The following FAM120C variants were observed in gnomAD, a reference collection of about 807,000 sequenced individuals.
FAM120C encodes constitutive coactivator of PPAR-gamma-like protein 2.
FAM120C carries 14 observed loss-of-function variants against 71.2 expected under a neutral mutation model. The observed-to-expected ratio is 0.20, with a 90% confidence interval of 0.13 to 0.31. The LOEUF is 0.31. FAM120C is among the 10% of genes least tolerant of loss of function. The pLI, the probability that FAM120C is intolerant of heterozygous loss-of-function variation, is 1.00. For synonymous variants in FAM120C, 354 were observed against 353.2 expected, an observed-to-expected ratio of 1.00 and a Z score of -0.03; for missense variants, 500 against 879.0, an observed-to-expected ratio of 0.57 and a Z score of 5.45.
intron 6 of FAM120C, 33 bp downstream of exon 6, chrX:54,135,495 A>C (rs782249836): frequency 8.6e-7 from 1 of 1,160,160 alleles, no homozygotes; most frequent in South Asian, 1.8e-5. Context: ...ACCTGAGTCT[A>C]ATGCTATCTC....
intron 11 of FAM120C, 51 bp downstream of exon 11, chrX:54,091,261 G>A (rs782492527): frequency 1.2e-6 from 1 of 846,662 alleles, no homozygotes; most frequent in South Asian, 2.4e-5. Context: ...ACCTAAAGTA[G>A]TGCCATAAGC....
chrX:54,154,606 CAAAAAAA>C (rs55838006), intron 3 of FAM120C, among the ~76,000 whole-genome samples: 2 of 40,961 alleles, frequency 4.9e-5, no homozygotes, highest in African/African-American at 1.9e-4. Context: ...GACTCCATCT[CAAAAAAA>C]AAAAAAAAAA....
chrX:54,097,402 C>T (rs782790223), intron 10 of FAM120C, among the ~76,000 whole-genome samples: 3 of 111,332 alleles, frequency 2.7e-5, no homozygotes, highest in South Asian at 7.5e-4. Context: ...CTTTGTGAGG[C>T]GGAGGCCAGG....
chrX:54,099,680 C>T (rs916514600), intron 10 of FAM120C, among the ~76,000 whole-genome samples: 26 of 112,231 alleles, frequency 2.3e-4, no homozygotes, highest in African/African-American at 7.7e-4. Context: ...AGAGGTCTAA[C>T]TATTCTTTTG....
intron 1 of FAM120C, among the ~76,000 whole-genome samples, chrX:54,165,484 T>A (rs1603364253): frequency 9.0e-6 from 1 of 111,614 alleles, no homozygotes. Flanking sequence ...AGGATAACCA[T>A]GAAAATCATA....
chrX:54,134,017 G>A lies in FAM120C; in HGVS notation c.1646C>T (p.Pro549Leu). ...DHITEAFHHQ[P>L]EWGNPNRDRG... Reference sequence around the variant, plus strand: ...GTCACGATTGGGATTTCCCCACTCAGGCTGGTGATGAAATGCTTCTGTGAT... The same window carrying A: ...GTCACGATTGGGATTTCCCCACTCAAGCTGGTGATGAAATGCTTCTGTGAT... The change falls in exon 8 of 16, where the codon CCT (proline) becomes CTT (leucine). Residue 549 changes from proline to leucine, a missense_variant. By Grantham distance (98) the Pro-to-Leu change is moderately conservative. This residue lies in a region of FAM120C where 85 missense variants were observed against 84.9 expected (regional missense o/e 1.00). Coordinates refer to ENST00000375180, the MANE Select transcript of FAM120C (RefSeq NM_017848.6). The A allele has an allele frequency of 8.3e-7, 1 of 1,210,799 alleles. No homozygotes were observed. Among genetic ancestry groups the A allele is most frequent in the Non-Finnish European group, 1.1e-6 (1 of 895,169 alleles).
intron 1 of FAM120C, among the ~76,000 whole-genome samples, chrX:54,170,929 GAGAA>G (rs1430932765): frequency 1.8e-5 from 2 of 111,467 alleles, no homozygotes; most frequent in African/African-American, 6.5e-5. Context: ...GTATTCTTAG[GAGAA>G]AGAGAGCGAG....
chrX:54,105,947 T>C (rs1211616160), intron 10 of FAM120C, among the ~76,000 whole-genome samples: 1 of 111,903 alleles, frequency 8.9e-6, no homozygotes, highest in East Asian at 2.8e-4. Flanking sequence ...TGGTCATGGA[T>C]AGGAAGAATC....
At chrX:54,173,109 C>G (rs1402910637) in intron 1 of FAM120C, among the ~76,000 whole-genome samples, 2 of 112,546 alleles carry the variant, frequency 1.8e-5, no homozygotes, top group Non-Finnish European at 3.7e-5. Context: ...AAGCTTTCAA[C>G]CCCTGGCAGT....
chrX:54,085,033 C>T (rs1484925039), intron 13 of FAM120C, among the ~76,000 whole-genome samples: 1 of 111,571 alleles, frequency 9.0e-6, no homozygotes, highest in Non-Finnish European at 1.9e-5. Context: ...CAGCACTGGC[C>T]GTTTACTCTC....
At chrX:54,168,107 C>A (rs2067269830) in intron 1 of FAM120C, among the ~76,000 whole-genome samples, 1 of 111,534 alleles carries the variant, frequency 9.0e-6, no homozygotes, top group African/African-American at 3.3e-5. Flanking sequence ...GGAGACCGGA[C>A]CAAATAACTA....
chrX:54,164,053 C>G (rs1173216404), intron 1 of FAM120C, among the ~76,000 whole-genome samples: 1 of 109,837 alleles, frequency 9.1e-6, no homozygotes, highest in African/African-American at 3.3e-5. Context: ...CTGCCTTAGC[C>G]CCCCTAGTAG....
intron 11 of FAM120C, among the ~76,000 whole-genome samples, chrX:54,089,966 A>G (rs1036324695): frequency 4.5e-5 from 5 of 110,520 alleles, no homozygotes; most frequent in Non-Finnish European, 9.5e-5. Context: ...TCTTGAAAAA[A>G]AAAAAATAGT....
intron 4 of FAM120C, among the ~76,000 whole-genome samples, chrX:54,151,004 C>T (rs782571070): frequency 1.5e-4 from 17 of 111,106 alleles, no homozygotes; most frequent in African/African-American, 4.3e-4. Context: ...TGTGAGCCAC[C>T]GTGCCCGGAC....
intron 15 of FAM120C, among the ~76,000 whole-genome samples, chrX:54,075,777 G>A (rs1285232371): frequency 2.1e-5 from 2 of 93,617 alleles, no homozygotes; most frequent in African/African-American, 8.1e-5. Flanking sequence ...CCAGCCTGGC[G>A]ACAGAACGAG....
At chrX:54,105,807 A>C (rs782547070) in intron 10 of FAM120C, among the ~76,000 whole-genome samples, 27 of 111,888 alleles carry the variant, frequency 2.4e-4, no homozygotes, top group Non-Finnish European at 3.8e-4. Context: ...TCCCATTCAC[A>C]ACTGCTACAA....
Position 54,116,798 on chromosome X carries a change from G to C in FAM120C, c.2063-4C>G, listed in dbSNP as rs1265410814. 2 of 1,206,159 alleles carry C rather than the reference G, an allele frequency of 1.7e-6. No individual in the cohort carries two copies. Among genetic ancestry groups the C allele is most frequent in the East Asian group, 3.0e-5 (1 of 33,709 alleles). ...TCTTTAAGGATCACTGAAGGAACTGGAAAACAGAAATTGAGGAAAAAGAGG... is the reference window on the plus strand; with the variant it reads ...TCTTTAAGGATCACTGAAGGAACTGCAAAACAGAAATTGAGGAAAAAGAGG... On this transcript the variant is annotated splice_polypyrimidine_tract_variant and splice_region_variant and intron_variant, in intron 9 of 15. Transcript: ENST00000375180.
At chrX:54,177,634 T>C (rs1217727937) in intron 1 of FAM120C, among the ~76,000 whole-genome samples, 9 of 111,154 alleles carry the variant, frequency 8.1e-5, no homozygotes, top group Non-Finnish European at 1.7e-4. Flanking sequence ...AGACATCAAG[T>C]AGTAGAGAGC....
At chrX:54,128,637 G>C (rs1297667418) in intron 9 of FAM120C, among the ~76,000 whole-genome samples, 4 of 111,468 alleles carry the variant, frequency 3.6e-5, no homozygotes, top group South Asian at 3.7e-4. Flanking sequence ...CAGTGTTTGT[G>C]TCCCTGGGTA....
Sources: gnomAD v4.1 joint callset for allele counts (sites outside exome capture counted in the v4.1 genomes callset) on GRCh38, gnomAD v4.1.1 for gene constraint, gnomAD v4.1.1 regional missense constraint, MANE v1.5 for transcripts, NCBI Gene and HGNC (gene_info 2026-07-23, HGNC 2026-07-21) for gene names.